HDAC9: variants seen among roughly 807,000 people sequenced by gnomAD.
The protein encoded by HDAC9 is histone deacetylase 9.
A neutral mutation model predicts 139.4 loss-of-function variants in HDAC9; 41 were observed. The observed-to-expected ratio is 0.29, with a 90% CI of 0.23 to 0.38. The LOEUF is 0.38. HDAC9 is among the 10% of genes least tolerant of loss of function. The pLI is 1.00. For missense variants in HDAC9, 1,147 were observed against 1,297.0 expected (o/e 0.88, Z 1.78); for synonymous variants, 517 against 476.2 (o/e 1.09, Z -1.12).
chr7:18,811,902 A>G (rs73312654), intron 17 of HDAC9, among the ~76,000 whole-genome samples: 5,166 of 151,660 alleles, frequency 0.034, 249 homozygotes, highest in African/African-American at 0.11. Flanking sequence ...ATATGTACAT[A>G]TTCATCCCTT....
chr7:18,177,261 T>C lies in HDAC9; in HGVS notation c.25+14912T>C, dbSNP rs2128138012. On this transcript the variant is annotated intron_variant, in intron 2 of 12. Transcript: ENST00000417496. Reference sequence around the variant, plus strand: ...CCTGTTAGTACCTGCATTTAAATTCTGTGAAGTTGCTTGAAGACGGATGGA... The same window carrying C: ...CCTGTTAGTACCTGCATTTAAATTCCGTGAAGTTGCTTGAAGACGGATGGA... Among the ~76,000 whole-genome samples, 5 of 152,324 alleles carry C rather than the reference T, an allele frequency of 3.3e-5. No homozygotes were observed. The South Asian group carries it at 1.0e-3, about 32-fold the overall frequency.
chr7:18,162,579 C>T, intron 2 of HDAC9: 1 of 534,894 alleles, frequency 1.9e-6, no homozygotes, highest in African/African-American at 1.9e-5. Flanking sequence ...GAGCATGGGA[C>T]TTTAATTCTT....
intron 1 of HDAC9, among the ~76,000 whole-genome samples, chr7:18,334,200 C>A (rs1195450540): frequency 6.6e-6 from 1 of 151,324 alleles, no homozygotes; most frequent in Non-Finnish European, 1.5e-5. Flanking sequence ...GAATCTAAAA[C>A]CTGACAGAAT....
chr7:18,493,779 TAA>T (rs199845362), upstream of HDAC9, among the ~76,000 whole-genome samples: 1 of 139,286 alleles, frequency 7.2e-6, no homozygotes, highest in African/African-American at 2.6e-5. Flanking sequence ...TTTTGTAGAA[TAA>T]AAAAAAAAAA....
chr7:18,766,327 G>A (rs1789828555), intron 15 of HDAC9, among the ~76,000 whole-genome samples: 1 of 152,150 alleles, frequency 6.6e-6, no homozygotes, highest in South Asian at 2.1e-4. Flanking sequence ...CTCTATTCAT[G>A]TAGTAGATAA....
At chr7:18,488,762 C>T (rs1796155287) in intron 1 of HDAC9, among the ~76,000 whole-genome samples, 1 of 151,942 alleles carries the variant, frequency 6.6e-6, no homozygotes, top group Non-Finnish European at 1.5e-5. Flanking sequence ...AAATGCCTCA[C>T]AAGAAAGATA....
chr7:18,782,893 G>C (rs1219376972), intron 16 of HDAC9, among the ~76,000 whole-genome samples: 1 of 152,010 alleles, frequency 6.6e-6, no homozygotes, highest in Non-Finnish European at 1.5e-5. Context: ...GTTTGCAAGT[G>C]GAACTGCTGG....
chr7:18,635,242 C>T (rs959936893), intron 8 of HDAC9, among the ~76,000 whole-genome samples: 5 of 151,646 alleles, frequency 3.3e-5, no homozygotes, highest in Non-Finnish European at 7.4e-5. Flanking sequence ...AAGAACCTAG[C>T]GAGGTGGATT....
chr7:18,591,476 TG>T, intron 4 of HDAC9, 39 bp from the exon 5 acceptor site: 1 of 49,442 alleles, frequency 2.0e-5, no homozygotes, highest in Non-Finnish European at 3.6e-5. Context: ...TGTGTGTGTA[TG>T]TGTGTGTGTG....
At chr7:18,109,603 C>G (rs1435302002) in intron 1 of HDAC9, among the ~76,000 whole-genome samples, 2 of 147,558 alleles carry the variant, frequency 1.4e-5, no homozygotes, top group East Asian at 4.0e-4. Context: ...ATAAATAAAC[C>G]TTTTTTTTTT....
chr7:18,545,843 C>T (rs1814619919), intron 2 of HDAC9, among the ~76,000 whole-genome samples: 1 of 152,166 alleles, frequency 6.6e-6, no homozygotes, highest in Non-Finnish European at 1.5e-5. Flanking sequence ...TGCACTACAA[C>T]ATCCCTAAAT....
chr7:18,379,223 A>T (rs1412248287), intron 1 of HDAC9, among the ~76,000 whole-genome samples: 1 of 152,206 alleles, frequency 6.6e-6, no homozygotes, highest in African/African-American at 2.4e-5. Context: ...TCATCAGGTT[A>T]TATTGATTCT....
intron 21 of HDAC9, among the ~76,000 whole-genome samples, chr7:18,839,345 T>C (rs985264146): frequency 6.6e-5 from 10 of 152,040 alleles, no homozygotes; most frequent in African/African-American, 1.7e-4. Flanking sequence ...TATGCTCCTT[T>C]TCTCACACCA....
At chr7:18,555,597 G>T (rs1157010557) in intron 2 of HDAC9, among the ~76,000 whole-genome samples, 1 of 152,058 alleles carries the variant, frequency 6.6e-6, no homozygotes. Context: ...ACACACAGAT[G>T]TGTGTATATG....
At chr7:18,914,575 C>T (rs1303805139) in intron 22 of HDAC9, among the ~76,000 whole-genome samples, 1 of 151,954 alleles carries the variant, frequency 6.6e-6, no homozygotes, top group Non-Finnish European at 1.5e-5. Flanking sequence ...TATAATTTAA[C>T]ATTTATAATG....
intron 2 of HDAC9, among the ~76,000 whole-genome samples, chr7:18,526,694 C>T (rs1807037293): frequency 6.6e-6 from 1 of 152,088 alleles, no homozygotes; most frequent in South Asian, 2.1e-4. Context: ...TTAACTGCAC[C>T]AGTTCTATTT....
At chr7:18,834,364 G>A (rs1340248651) in intron 19 of HDAC9, among the ~76,000 whole-genome samples, 1 of 150,872 alleles carries the variant, frequency 6.6e-6, no homozygotes, top group African/African-American at 2.4e-5. Context: ...ATATTATGAA[G>A]CATATTAATT....
intron 12 of HDAC9, among the ~76,000 whole-genome samples, chr7:18,669,202 TA>T (rs1795511533): frequency 6.6e-6 from 1 of 151,792 alleles, no homozygotes; most frequent in African/African-American, 2.4e-5. Context: ...TTGCTCAACT[TA>T]AAAAATTATT....
At chr7:18,113,676 T>C (rs1783776710) in intron 1 of HDAC9, among the ~76,000 whole-genome samples, 1 of 152,258 alleles carries the variant, frequency 6.6e-6, no homozygotes, top group South Asian at 2.1e-4. Flanking sequence ...TATTTGTATA[T>C]GTATGCTTCA....
Sources: allele counts gnomAD v4.1 joint callset (sites outside exome capture counted in the v4.1 genomes callset), GRCh38; gene constraint gnomAD v4.1.1; transcripts MANE v1.5; gene names NCBI Gene and HGNC (gene_info 2026-07-23, HGNC 2026-07-21).